Variants in GXYLT2 observed in about 807,000 individuals in gnomAD.
GXYLT2 encodes the protein glucoside xylosyltransferase 2.
A neutral mutation model predicts 45.8 loss-of-function variants in GXYLT2; 53 were observed. The observed-to-expected ratio is 1.16, with a 90% CI of 0.93 to 1.46. The LOEUF is 1.46. Among genes scored for constraint, GXYLT2 ranks in the 40% most tolerant of loss-of-function variants. GXYLT2 has a pLI of 0.00. For missense variants in GXYLT2, 551 were observed against 544.4 expected, an observed-to-expected ratio of 1.01 and a Z score of -0.12; for synonymous variants, 219 against 214.2, an observed-to-expected ratio of 1.02 and a Z score of -0.19.
At position 72,955,289 on chromosome 3, in the gene GXYLT2, A is replaced by C; in HGVS notation, c.792A>C (p.Ala264=). The C allele has an allele frequency of 6.2e-7, 1 of 1,614,014 alleles. No homozygotes were observed. Among genetic ancestry groups the C allele is most frequent in the South Asian group, 1.1e-5 (1 of 91,080 alleles). The part of the protein sequence containing the change: ...RFARHPFYGS[A]GVNSGVMLMN... ...CTAGGCATCCTTTCTATGGCTCTGCAGGAGTTAATTCAGGAGTCATGTTAA... is the reference window on the plus strand; with the variant it reads ...CTAGGCATCCTTTCTATGGCTCTGCCGGAGTTAATTCAGGAGTCATGTTAA... Residue 264 remains alanine (A), a synonymous_variant, in exon 4 of 7, where the codon GCA becomes GCC. Transcript: ENST00000389617.
In GXYLT2 at chr3:72,929,224, T is replaced by C. The variant is rs1258038624; in HGVS notation, c.600+6889T>C. Reference sequence around the variant, plus strand: ...CCAAATACTTTCTTCACCAATCTCATGAGGAGAGGGAACATGCCGAGAAAC... The same window carrying C: ...CCAAATACTTTCTTCACCAATCTCACGAGGAGAGGGAACATGCCGAGAAAC... On this transcript the variant is annotated intron_variant, in intron 3 of 6. Transcript: ENST00000389617. 7 of 1,572,206 alleles carry C rather than the reference T, an allele frequency of 4.5e-6. No homozygotes were observed. In the East Asian group the frequency reaches 1.1e-4, roughly 25 times the overall value.
chr3:72,933,979 C>A (rs1710128787), intron 3 of GXYLT2, among the ~76,000 whole-genome samples: 1 of 151,836 alleles, frequency 6.6e-6, no homozygotes, highest in South Asian at 2.1e-4. Context: ...GCTTAGCCAG[C>A]TGGACTTGTG....
chr3:72,913,204 A>AT (rs1024388334), intron 2 of GXYLT2, among the ~76,000 whole-genome samples: 1 of 149,960 alleles, frequency 6.7e-6, no homozygotes, highest in Non-Finnish European at 1.5e-5. Context: ...CGCCCGGCTA[A>AT]TTTTTTTGTA....
intron 5 of GXYLT2, among the ~76,000 whole-genome samples, chr3:72,963,389 A>G (rs1710802803): frequency 6.6e-6 from 1 of 152,094 alleles, no homozygotes; most frequent in Non-Finnish European, 1.5e-5. Context: ...CCTGGCCAAC[A>G]TGGCGAAACC....
intron 1 of GXYLT2, among the ~76,000 whole-genome samples, chr3:72,893,545 T>G (rs551629528): frequency 2.6e-5 from 4 of 152,346 alleles, no homozygotes; most frequent in African/African-American, 9.6e-5. Flanking sequence ...CCCCCTCATG[T>G]ACACTTAACA....
chr3:72,954,615 G>A (rs916655648), intron 3 of GXYLT2, among the ~76,000 whole-genome samples: 27 of 147,578 alleles, frequency 1.8e-4, no homozygotes, highest in Non-Finnish European at 3.7e-4. Context: ...CAGCCTGGGC[G>A]ACAGAGTGAG....
At chr3:72,923,284 G>A (rs566868872) in intron 3 of GXYLT2, among the ~76,000 whole-genome samples, 1 of 151,936 alleles carries the variant, frequency 6.6e-6, no homozygotes, top group Non-Finnish European at 1.5e-5. Context: ...GCATGGTGGC[G>A]CATGCCTGTA....
At chr3:72,948,977 G>A (rs1022582420) in intron 3 of GXYLT2, among the ~76,000 whole-genome samples, 4 of 152,144 alleles carry the variant, frequency 2.6e-5, no homozygotes, top group South Asian at 2.1e-4. Context: ...CTTCGGGTGA[G>A]GAAGCAGAGA....
chr3:72,897,047 AATG>A (rs1464107931), intron 1 of GXYLT2, among the ~76,000 whole-genome samples: 1 of 152,152 alleles, frequency 6.6e-6, no homozygotes, highest in Non-Finnish European at 1.5e-5. Context: ...ACTAATATTG[AATG>A]ATGACTTAAA....
At chr3:72,910,421 TGGGTTA>T (rs1303200141) in intron 2 of GXYLT2, among the ~76,000 whole-genome samples, 2 of 152,114 alleles carry the variant, frequency 1.3e-5, no homozygotes, top group Non-Finnish European at 2.9e-5. Context: ...TATATGACCT[TGGGTTA>T]GTCTTTTGGC....
chr3:72,972,556 T>G, intron 6 of GXYLT2, among the ~76,000 whole-genome samples: 1 of 149,036 alleles, frequency 6.7e-6, no homozygotes, highest in Admixed American at 6.8e-5. Flanking sequence ...CAGGAGAATT[T>G]CTTGAACCCA....
intron 3 of GXYLT2, among the ~76,000 whole-genome samples, chr3:72,945,416 C>T (rs1426219493): frequency 6.6e-6 from 1 of 152,198 alleles, no homozygotes; most frequent in Non-Finnish European, 1.5e-5. Flanking sequence ...GGGCCAGGCA[C>T]ACAGACTTTA....
chr3:72,929,347 G>C (rs1314632832), intron 3 of GXYLT2: 11 of 1,028,392 alleles, frequency 1.1e-5, no homozygotes, highest in Admixed American at 3.4e-5. Context: ...ATGCGATGGA[G>C]TGTGCATTAC....
At chr3:72,963,669 A>AT (rs34028884) in intron 5 of GXYLT2, among the ~76,000 whole-genome samples, 19,341 of 123,352 alleles carry the variant, frequency 0.16, 2,740 homozygotes, top group African/African-American at 0.37. Context: ...TGCCTAGCTA[A>AT]TTTTTTTTTT....
chr3:72,953,884 A>C (rs1364151979), intron 3 of GXYLT2, among the ~76,000 whole-genome samples: 1 of 152,124 alleles, frequency 6.6e-6, no homozygotes, highest in African/African-American at 2.4e-5. Context: ...ACTTCAGTCC[A>C]GGAGTTTAAG....
At chr3:72,908,655 T>C in intron 2 of GXYLT2, 96 bp downstream of exon 2, 1 of 1,009,858 alleles carries the variant, frequency 9.9e-7, no homozygotes, top group Non-Finnish European at 1.5e-6. Flanking sequence ...TTTTGCTGCA[T>C]GTTCAATTGT....
intron 6 of GXYLT2, among the ~76,000 whole-genome samples, chr3:72,972,230 T>C (rs1031300930): frequency 2.0e-4 from 31 of 152,160 alleles, no homozygotes; most frequent in Non-Finnish European, 3.5e-4. Flanking sequence ...ATCTATCATA[T>C]AGACATTTTT....
intron 2 of GXYLT2, among the ~76,000 whole-genome samples, chr3:72,917,880 T>C (rs1167117353): frequency 1.3e-5 from 2 of 152,170 alleles, no homozygotes; most frequent in Non-Finnish European, 2.9e-5. Flanking sequence ...GAGAACAGTT[T>C]TGGTGTATAT....
intron 3 of GXYLT2, among the ~76,000 whole-genome samples, chr3:72,953,816 G>A (rs1216243069): frequency 6.6e-6 from 1 of 152,150 alleles, no homozygotes; most frequent in Non-Finnish European, 1.5e-5. Flanking sequence ...ATTTTAGGCG[G>A]GTCACAGTGA....
Sources: gnomAD v4.1 joint callset for allele counts (sites outside exome capture counted in the v4.1 genomes callset) on GRCh38, gnomAD v4.1.1 for gene constraint, MANE v1.5 for transcripts, NCBI Gene and HGNC (gene_info 2026-07-23, HGNC 2026-07-21) for gene names.